TRHDE: variants seen among roughly 807,000 people sequenced by gnomAD.
TRHDE encodes the protein thyrotropin releasing hormone degrading enzyme.
Under a neutral mutation model 125.7 loss-of-function variants are expected in TRHDE, and 72 were observed. That is an observed-to-expected ratio of 0.57 (90% confidence interval 0.47 to 0.70). TRHDE has a LOEUF of 0.70. Among genes scored for constraint, TRHDE ranks in the 30% least tolerant of loss-of-function variants. The probability of loss-of-function intolerance (pLI) is 0.00; values close to 1 mark genes in which losing one functional copy is unlikely to be tolerated. For synonymous variants in TRHDE, 509 were observed against 509.1 expected, an observed-to-expected ratio of 1.00 and a Z score of 0.00; for missense variants, 1,110 against 1,327.1, an observed-to-expected ratio of 0.84 and a Z score of 2.54.
chr12:72,196,661 C>G (rs967170695), intron 2 of TRHDE, among the ~76,000 whole-genome samples: 2 of 152,036 alleles, frequency 1.3e-5, no homozygotes, highest in Non-Finnish European at 2.9e-5. Flanking sequence ...CCATTTTAAC[C>G]ACTTTTCCTT....
chr12:72,511,606 A>G (rs1461210480), intron 6 of TRHDE, among the ~76,000 whole-genome samples: 5 of 152,122 alleles, frequency 3.3e-5, no homozygotes. Flanking sequence ...GTGGGAGGAG[A>G]TAGTTTTATT....
At chr12:72,506,268 TCTC>T (rs1264296327) in intron 6 of TRHDE, among the ~76,000 whole-genome samples, 2 of 151,846 alleles carry the variant, frequency 1.3e-5, no homozygotes, top group Non-Finnish European at 2.9e-5. Flanking sequence ...CTATAATAGA[TCTC>T]CTGCACTCCA....
intron 6 of TRHDE, among the ~76,000 whole-genome samples, chr12:72,520,790 G>C (rs924802863): frequency 1.3e-5 from 2 of 152,204 alleles, no homozygotes; most frequent in East Asian, 1.9e-4. Flanking sequence ...AAAGTAATAA[G>C]GTTCACGCAT....
intron 2 of TRHDE, among the ~76,000 whole-genome samples, chr12:72,151,489 G>A (rs1016776215): frequency 3.3e-5 from 5 of 152,110 alleles, no homozygotes; most frequent in Admixed American, 1.3e-4. Flanking sequence ...GTCCTGAATG[G>A]TATTGCCTAG....
intron 2 of TRHDE, among the ~76,000 whole-genome samples, chr12:72,126,386 A>G (rs1875714796): frequency 6.6e-6 from 1 of 152,210 alleles, no homozygotes; most frequent in South Asian, 2.1e-4. Flanking sequence ...ACCAAAAATG[A>G]GCCCAATTAG....
chr12:72,573,441 G>T (rs1870840363), intron 10 of TRHDE, among the ~76,000 whole-genome samples: 2 of 151,778 alleles, frequency 1.3e-5, no homozygotes, highest in African/African-American at 4.8e-5. Context: ...TTATTTTTCT[G>T]AGTTCCATGG....
rs916998926 is a variant in TRHDE, at chr12:72,613,897, T to C, written c.2322-4994T>C. Among the ~76,000 whole-genome samples the C allele has an allele frequency of 4.6e-5, 7 of 152,260 alleles. No individual in the cohort carries two copies. The South Asian group carries it at 1.4e-3, about 32-fold the overall frequency. ...GTAATTTATAAGAAAAGAGGTTTAA[T>C]TGGCTCACAATTTTGCAGGATGTAA... On this transcript the variant is annotated intron_variant, in intron 12 of 18. Transcript: ENST00000261180.
At chr12:72,189,595 G>A (rs1180980999) in intron 2 of TRHDE, among the ~76,000 whole-genome samples, 1 of 152,206 alleles carries the variant, frequency 6.6e-6, no homozygotes. Context: ...AAAGAAAAAT[G>A]TAGGGGCTAG....
intron 7 of TRHDE, among the ~76,000 whole-genome samples, chr12:72,545,472 AATGCAGT>A (rs1445021734): frequency 6.6e-6 from 1 of 151,596 alleles, no homozygotes; most frequent in Admixed American, 6.6e-5. Flanking sequence ...GGATTACTTT[AATGCAGT>A]TTACTAGTTA....
At chr12:72,551,286 T>C (rs1869660527) in intron 7 of TRHDE, among the ~76,000 whole-genome samples, 2 of 152,116 alleles carry the variant, frequency 1.3e-5, no homozygotes, top group Non-Finnish European at 2.9e-5. Flanking sequence ...TTTTTGTTTA[T>C]GGAAGAGAGA....
intron 2 of TRHDE, among the ~76,000 whole-genome samples, chr12:72,367,938 C>G (rs1871405952): frequency 6.6e-6 from 1 of 152,260 alleles, no homozygotes; most frequent in Admixed American, 6.5e-5. Context: ...GTTTATTTAA[C>G]TTAAAGTACC....
intron 3 of TRHDE, among the ~76,000 whole-genome samples, chr12:72,444,192 T>C (rs924624137): frequency 6.6e-6 from 1 of 151,880 alleles, no homozygotes; most frequent in African/African-American, 2.4e-5. Context: ...GATTTCAATA[T>C]TTTTAAAAAA....
intron 11 of TRHDE, 26 bp downstream of exon 11, chr12:72,575,414 G>T: frequency 6.2e-7 from 1 of 1,613,414 alleles, no homozygotes; most frequent in South Asian, 1.1e-5. Context: ...GCTTATCAAA[G>T]ATAATTTTTG....
intron 1 of TRHDE, among the ~76,000 whole-genome samples, chr12:72,277,403 G>A (rs1029114981): frequency 6.6e-6 from 1 of 152,064 alleles, no homozygotes; most frequent in Non-Finnish European, 1.5e-5. Context: ...TTTTTAGATC[G>A]AAAGCAACTT....
intron 3 of TRHDE, among the ~76,000 whole-genome samples, chr12:72,457,822 A>C (rs978046916): frequency 6.6e-6 from 1 of 152,236 alleles, no homozygotes; most frequent in Non-Finnish European, 1.5e-5. Flanking sequence ...TCTAAAGTAC[A>C]TAAGAATTTG....
At chr12:72,208,268 C>T (rs1287080701) in intron 2 of TRHDE, among the ~76,000 whole-genome samples, 1 of 152,106 alleles carries the variant, frequency 6.6e-6, no homozygotes, top group African/African-American at 2.4e-5. Flanking sequence ...AGTCAAATCT[C>T]CCCTTGAACC....
At chr12:72,385,975 T>C (rs937806602) in intron 3 of TRHDE, among the ~76,000 whole-genome samples, 1 of 152,184 alleles carries the variant, frequency 6.6e-6, no homozygotes, top group African/African-American at 2.4e-5. Flanking sequence ...AACCAGCGTT[T>C]ATTGAGTAGT....
At chr12:72,333,407 A>G (rs1869690639) in intron 2 of TRHDE, among the ~76,000 whole-genome samples, 1 of 152,226 alleles carries the variant, frequency 6.6e-6, no homozygotes, top group Non-Finnish European at 1.5e-5. Flanking sequence ...TTGGAATAGG[A>G]GAGAGTAGTA....
At chr12:72,615,007 A>G (rs1440186146) in intron 12 of TRHDE, among the ~76,000 whole-genome samples, 1 of 151,828 alleles carries the variant, frequency 6.6e-6, no homozygotes, top group Non-Finnish European at 1.5e-5. Context: ...AGGAGGAGGG[A>G]AGGGAGGGAA....
Sources: gnomAD v4.1 joint callset for allele counts (sites outside exome capture counted in the v4.1 genomes callset) on GRCh38, gnomAD v4.1.1 for gene constraint, MANE v1.5 for transcripts, NCBI Gene and HGNC (gene_info 2026-07-23, HGNC 2026-07-21) for gene names.